QKI: variants seen among roughly 807,000 people sequenced by gnomAD.
The protein encoded by QKI is QKI, KH domain containing RNA binding.
A neutral mutation model predicts 39.0 loss-of-function variants in QKI; 10 were observed. The ratio of observed to expected loss-of-function variants is 0.26; its 90% CI spans 0.16 to 0.43. The LOEUF (loss-of-function observed/expected upper bound fraction) is 0.43, where lower values mean the gene tolerates loss of function less well. Ranked by LOEUF, QKI falls within the 20% of genes least tolerant of loss-of-function variation. The pLI is 1.00. For synonymous variants in QKI, 204 were observed against 155.4 expected, an observed-to-expected ratio of 1.31 and a Z score of -2.33; for missense variants, 218 against 428.0, an observed-to-expected ratio of 0.51 and a Z score of 4.33.
chr6:163,523,494 T>C lies in QKI; in HGVS notation c.403-11488T>C, dbSNP rs138888193. On this transcript the variant is annotated intron_variant, in intron 3 of 7. Transcript: ENST00000361752. Reference sequence around the variant, plus strand: ...TATTTTAGGGAAGTGGTTTCTTATATAGAAGGACAGTTTAGCATTTGTTTA... The same window carrying C: ...TATTTTAGGGAAGTGGTTTCTTATACAGAAGGACAGTTTAGCATTTGTTTA... Among the ~76,000 whole-genome samples the C allele has an allele frequency of 2.9e-3, 436 of 152,316 alleles. 2 individuals carry two copies. The highest frequency in any genetic ancestry group is 9.7e-3 in the African/African-American group (404 of 41,582).
chr6:163,493,087 T>A (rs1778164640), intron 3 of QKI, among the ~76,000 whole-genome samples: 1 of 152,032 alleles, frequency 6.6e-6, no homozygotes, highest in Admixed American at 6.6e-5. Flanking sequence ...TGTGACCTGA[T>A]ATATTTTGTT....
intron 3 of QKI, among the ~76,000 whole-genome samples, chr6:163,495,686 CCT>C (rs1269441796): frequency 6.6e-6 from 1 of 151,948 alleles, no homozygotes; most frequent in Non-Finnish European, 1.5e-5. Flanking sequence ...ATTTATTTGC[CCT>C]GTCTCTTACA....
In QKI at chr6:163,536,075, A is replaced by T. The variant is rs563074791; in HGVS notation, c.546+950A>T. ...TATTACCCTGATAGTTTATTCAACAAGTAAACTCACAAATCATAAACATTT... is the reference window on the plus strand; with the variant it reads ...TATTACCCTGATAGTTTATTCAACATGTAAACTCACAAATCATAAACATTT... On this transcript the variant is annotated intron_variant, in intron 4 of 7. Transcript: ENST00000361752. Among the ~76,000 whole-genome samples, 34 of 152,348 alleles carry T rather than the reference A, an allele frequency of 2.2e-4. 1 individual carries two copies. In the South Asian group the frequency reaches 7.0e-3, roughly 32 times the overall value.
At chr6:163,470,992 CAAAG>C (rs1189343692) in intron 2 of QKI, among the ~76,000 whole-genome samples, 2 of 151,852 alleles carry the variant, frequency 1.3e-5, no homozygotes, top group Admixed American at 6.6e-5. Context: ...ACTATAAAAC[CAAAG>C]AAAGAAATAA....
chr6:163,518,636 ATAT>A (rs541438266), intron 3 of QKI, among the ~76,000 whole-genome samples: 98 of 152,312 alleles, frequency 6.4e-4, no homozygotes, highest in African/African-American at 2.2e-3. Flanking sequence ...ATATTAAAAA[ATAT>A]TATATTTCAT....
chr6:163,442,626 A>G lies in QKI; in HGVS notation c.143-12653A>G, dbSNP rs73015337. ...TGGGGATATAGTCTGAAAGTTGAGT[A>G]CACAGTATTTGCTAGTGGATGGAAT... On this transcript the variant is annotated intron_variant, in intron 1 of 7. Coordinates refer to ENST00000361752, the MANE Select transcript of QKI (RefSeq NM_006775.3). 5.2e-3 allele frequency among the ~76,000 whole-genome samples: 797 copies of G among 152,330 alleles called. 5 individuals are homozygous for G. The highest frequency in any genetic ancestry group is 0.017 in the Middle Eastern group (5 of 294).
intron 2 of QKI, among the ~76,000 whole-genome samples, chr6:163,461,742 A>T (rs553682252): frequency 1.4e-4 from 22 of 152,304 alleles, no homozygotes; most frequent in Non-Finnish European, 2.5e-4. Flanking sequence ...AGGAAAGCTC[A>T]AGGTGATGAT....
intron 1 of QKI, among the ~76,000 whole-genome samples, chr6:163,439,352 TTTC>T (rs1482603974): frequency 3.4e-5 from 5 of 148,362 alleles, no homozygotes; most frequent in African/African-American, 1.3e-4. Context: ...TTTTTTTTTT[TTTC>T]GGGGGGGTGG....
intron 4 of QKI, among the ~76,000 whole-genome samples, chr6:163,543,238 AT>A (rs1781656372): frequency 1.3e-5 from 2 of 152,000 alleles, no homozygotes; most frequent in Admixed American, 1.3e-4. Context: ...GATCATTGAA[AT>A]TTGTGGTATT....
intron 6 of QKI, chr6:163,566,258 CAG>C (rs1460880350): frequency 4.2e-5 from 52 of 1,246,184 alleles, no homozygotes; most frequent in Non-Finnish European, 5.1e-5. Flanking sequence ...CTTATTGACT[CAG>C]AGTTTAAAAC....
intron 7 of QKI, chr6:163,568,986 G>C: frequency 1.0e-6 from 1 of 985,660 alleles, no homozygotes; most frequent in Non-Finnish European, 1.2e-6. Flanking sequence ...ACTCAGAAAA[G>C]AAGTCAGAGT....
intron 1 of QKI, among the ~76,000 whole-genome samples, chr6:163,427,426 C>A (rs184113078): frequency 8.8e-4 from 134 of 151,752 alleles, no homozygotes; most frequent in African/African-American, 3.1e-3. Context: ...GACATGTTAC[C>A]AATAATATAG....
intron 3 of QKI, among the ~76,000 whole-genome samples, chr6:163,522,760 C>T (rs1226312303): frequency 6.6e-6 from 1 of 152,106 alleles, no homozygotes; most frequent in Non-Finnish European, 1.5e-5. Context: ...AATACGTATT[C>T]CTGAACATCG....
chr6:163,430,312 C>T (rs1788723576), intron 1 of QKI, among the ~76,000 whole-genome samples: 1 of 151,960 alleles, frequency 6.6e-6, no homozygotes, highest in African/African-American at 2.4e-5. Context: ...CTGTCCTTCT[C>T]TTCCCTTCAT....
chr6:163,463,355 G>C (rs930160405), intron 2 of QKI, among the ~76,000 whole-genome samples: 6 of 152,150 alleles, frequency 3.9e-5, no homozygotes, highest in Non-Finnish European at 8.8e-5. Flanking sequence ...CTGTGCAGTG[G>C]TGTTTCGAGG....
At chr6:163,566,213 T>C (rs920464776) in intron 6 of QKI, 5 of 1,302,684 alleles carry the variant, frequency 3.8e-6, no homozygotes, top group Admixed American at 3.5e-5. Context: ...CTATACTGTT[T>C]GCTTTACTAA....
At position 163,577,819 on chromosome 6, in the gene QKI, A is replaced by G. The variant is rs1429073655; in HGVS notation, c.*7109A>G. The G allele has an allele frequency of 6.6e-6, 1 of 152,166 alleles. No individual in the cohort carries two copies. 9.4% of individuals were successfully genotyped at this position (152,166 alleles called of 1,614,324 possible). On this transcript the variant is annotated 3_prime_UTR_variant, in exon 8 of 8. Coordinates refer to ENST00000361752, the MANE Select transcript of QKI (RefSeq NM_006775.3). ...ATTTTAGTCACTGTTACTCATGCAC[A>G]TTGTGTTCTTATGTTTACAGAAGTG...
intron 3 of QKI, among the ~76,000 whole-genome samples, chr6:163,510,411 A>G (rs1027725663): frequency 1.3e-5 from 2 of 150,956 alleles, no homozygotes; most frequent in African/African-American, 4.9e-5. Flanking sequence ...AAATACAAAA[A>G]TTATCCAGGC....
intron 1 of QKI, among the ~76,000 whole-genome samples, chr6:163,434,761 A>T (rs1789114732): frequency 6.6e-6 from 1 of 151,930 alleles, no homozygotes; most frequent in East Asian, 1.9e-4. Flanking sequence ...GATAATCTTT[A>T]AAAAAATTAA....
Sources: allele counts gnomAD v4.1 joint callset (sites outside exome capture counted in the v4.1 genomes callset), GRCh38; gene constraint gnomAD v4.1.1; transcripts MANE v1.5; gene names NCBI Gene and HGNC (gene_info 2026-07-23, HGNC 2026-07-21).